Variants in DNAH7 observed in about 807,000 individuals in gnomAD.
DNAH7 encodes the protein dynein axonemal heavy chain 7.
Under a neutral mutation model 444.6 loss-of-function variants are expected in DNAH7, and 397 were observed. The observed-to-expected ratio is 0.89, with a 90% CI of 0.82 to 0.97. DNAH7 has a LOEUF of 0.97. DNAH7 is among the 50% of genes least tolerant of loss of function. The pLI, the probability that DNAH7 is intolerant of heterozygous loss-of-function variation, is 0.00. For synonymous variants in DNAH7, 1,636 were observed against 1,624.4 expected, an observed-to-expected ratio of 1.01 and a Z score of -0.17; for missense variants, 4,902 against 4,800.8, an observed-to-expected ratio of 1.02 and a Z score of -0.62.
chr2:195,907,208 A>T (rs536839348), intron 25 of DNAH7, among the ~76,000 whole-genome samples, 199 bp from the exon 26 acceptor site: 1 of 152,266 alleles, frequency 6.6e-6, no homozygotes, highest in South Asian at 2.1e-4. Flanking sequence ...ATCAATTGGA[A>T]AATTTTCCAA....
At chr2:195,940,982 G>A (rs1246196618) in intron 19 of DNAH7, among the ~76,000 whole-genome samples, 1 of 152,060 alleles carries the variant, frequency 6.6e-6, no homozygotes, top group African/African-American at 2.4e-5. Flanking sequence ...CAAAGATCTA[G>A]GATCAGAAAT....
intron 61 of DNAH7, among the ~76,000 whole-genome samples, chr2:195,762,899 C>T (rs1254326309): frequency 6.6e-6 from 1 of 152,088 alleles, no homozygotes; most frequent in Non-Finnish European, 1.5e-5. Context: ...ACTTACAGAA[C>T]GTCTCATCCA....
chr2:196,043,969 C>T (rs2125837753), intron 5 of DNAH7, among the ~76,000 whole-genome samples: 1 of 152,114 alleles, frequency 6.6e-6, no homozygotes, highest in East Asian at 1.9e-4. Flanking sequence ...ATGTAAACTA[C>T]TACGACTACT....
At position 195,858,658 on chromosome 2, in the gene DNAH7, A is replaced by G. The variant is rs1184581044; in HGVS notation, c.7883T>C (p.Ile2628Thr). 1.9e-6 allele frequency: 3 copies of G among 1,613,870 alleles called. No individual in the cohort carries two copies. The highest frequency in any genetic ancestry group is 2.7e-5 in the African/African-American group (2 of 74,866). ...VASKEVDEMM[I>T]MIEKESVEVA... ...TTCTACAGACTCTTTCTCAATCATT[A>G]TCATCATTTCATCAACCTCTTTGCT... Residue 2628 changes from isoleucine (I) to threonine (T), a missense_variant, in exon 43 of 65, where the codon ATA becomes ACA. By Grantham distance (89) the Ile-to-Thr change is moderately conservative. Transcript: ENST00000312428.
At chr2:195,893,559 C>T (rs1181331686) in intron 30 of DNAH7, 1 of 151,848 alleles carries the variant, frequency 6.6e-6, no homozygotes, top group Admixed American at 6.6e-5. Context: ...AACAATAAAA[C>T]AAGCTCAATA....
chr2:195,754,627 C>T, intron 62 of DNAH7, 113 bp from the exon 63 acceptor site: 2 of 995,050 alleles, frequency 2.0e-6, no homozygotes, highest in Non-Finnish European at 2.9e-6. Context: ...CCTCTCACCT[C>T]AGCCTCCCAA....
intron 43 of DNAH7, among the ~76,000 whole-genome samples, chr2:195,858,150 C>A: frequency 6.6e-6 from 1 of 151,966 alleles, no homozygotes. Context: ...AAAAAGGTAC[C>A]CCTTAGAATC....
intron 61 of DNAH7, among the ~76,000 whole-genome samples, chr2:195,764,421 T>A (rs1694479464): frequency 6.6e-6 from 1 of 152,056 alleles, no homozygotes; most frequent in Admixed American, 6.6e-5. Flanking sequence ...ATAAAGCACA[T>A]CCAAATTAGA....
In DNAH7 at chr2:195,810,625, CT is replaced by C. The variant is rs372195832; in HGVS notation, c.9762-755del. ...TATTCTAAGCTGTCAATCATCCTAGCTTTTTTTTTTTTTTCCCACTTTTCCT... is the reference window on the plus strand; with the variant it reads ...TATTCTAAGCTGTCAATCATCCTAGCTTTTTTTTTTTTTCCCACTTTTCCT... On this transcript the variant is annotated intron_variant, in intron 51 of 64. Coordinates refer to ENST00000312428, the MANE Select transcript of DNAH7 (RefSeq NM_018897.3). Among the ~76,000 whole-genome samples the C allele has an allele frequency of 8.8e-3, 1,235 of 140,238 alleles. 9 individuals are homozygous for C. The highest frequency in any genetic ancestry group is 0.021 in the African/African-American group (803 of 38,494). 92.0% of individuals were successfully genotyped at this position (140,238 alleles called of 152,430 possible). A position where few individuals can be genotyped will look rare whatever the true frequency, so the allele number is the denominator to read the frequency against.
chr2:196,057,041 G>A (rs556567529), intron 2 of DNAH7, among the ~76,000 whole-genome samples: 2 of 152,174 alleles, frequency 1.3e-5, no homozygotes, highest in South Asian at 2.1e-4. Context: ...CTAGAAGCCC[G>A]AAGGTCCGTA....
intron 5 of DNAH7, among the ~76,000 whole-genome samples, chr2:196,046,465 G>T (rs56300177): frequency 0.03 from 4,581 of 152,180 alleles, 227 homozygotes; most frequent in African/African-American, 0.1. Flanking sequence ...TGTAACCAGA[G>T]GTCTACCCTC....
Position 195,887,146 on chromosome 2 carries a change from C to T in DNAH7, c.5407-874G>A, listed in dbSNP as rs529728840. Among the ~76,000 whole-genome samples the T allele has an allele frequency of 4.7e-5, 7 of 147,888 alleles. No individual in the cohort carries two copies. In the South Asian group the frequency reaches 1.5e-3, roughly 31 times the overall value. On this transcript the variant is annotated intron_variant, in intron 33 of 64. Coordinates refer to ENST00000312428, the MANE Select transcript of DNAH7 (RefSeq NM_018897.3). The stretch of plus-strand genomic sequence containing the variant: ...TTCTTCAAGAAATAACAGAAGTGCA[C>T]AGCACATTTTAAAAAGCTTGCATTA...
At chr2:196,062,590 G>A (rs1425379329) in intron 1 of DNAH7, among the ~76,000 whole-genome samples, 1 of 152,098 alleles carries the variant, frequency 6.6e-6, no homozygotes, top group Non-Finnish European at 1.5e-5. Context: ...CCATCTTCCT[G>A]TAACTAAATC....
chr2:195,823,720 A>G lies in DNAH7; in HGVS notation c.9291+535T>C, dbSNP rs1055718708. ...CTAAAAACAGAATAAGGTGTAGGCC[A>G]TAAACCTAGGAGCTCAGCTGCAGAT... On this transcript the variant is annotated intron_variant, in intron 49 of 64. Coordinates refer to ENST00000312428, the MANE Select transcript of DNAH7 (RefSeq NM_018897.3). 5.3e-5 allele frequency among the ~76,000 whole-genome samples: 8 copies of G among 152,288 alleles called. No individual in the cohort carries two copies. In the East Asian group the frequency reaches 1.4e-3, roughly 26 times the overall value.
At chr2:195,873,432 G>GT (rs1700836153) in intron 39 of DNAH7, 136 bp downstream of exon 39, 1 of 515,486 alleles carries the variant, frequency 1.9e-6, no homozygotes, top group Non-Finnish European at 3.1e-6. Flanking sequence ...CAGGAACAGA[G>GT]GCAAACGATG....
At chr2:195,795,434 G>A (rs1344584353) in intron 56 of DNAH7, among the ~76,000 whole-genome samples, 2 of 152,218 alleles carry the variant, frequency 1.3e-5, no homozygotes, top group African/African-American at 2.4e-5. Context: ...CGTGAAGTAT[G>A]AGGAAATGTT....
intron 24 of DNAH7, among the ~76,000 whole-genome samples, chr2:195,918,860 G>A (rs1687847285): frequency 6.6e-6 from 1 of 152,108 alleles, no homozygotes; most frequent in Non-Finnish European, 1.5e-5. Context: ...ACTCTACAAC[G>A]CAGTAGACCC....
chr2:195,930,890 G>A (rs1054185958), intron 21 of DNAH7, among the ~76,000 whole-genome samples: 1 of 152,036 alleles, frequency 6.6e-6, no homozygotes, highest in South Asian at 2.1e-4. Context: ...GGATGCAGCT[G>A]GAGACCATCA....
chr2:195,828,240 G>A (rs1697878209), intron 48 of DNAH7, among the ~76,000 whole-genome samples: 1 of 152,048 alleles, frequency 6.6e-6, no homozygotes, highest in African/African-American at 2.4e-5. Flanking sequence ...ATAGTGTTAC[G>A]GCTTAAATTA....
Sources: allele counts gnomAD v4.1 joint callset (sites outside exome capture counted in the v4.1 genomes callset), GRCh38; gene constraint gnomAD v4.1.1; transcripts MANE v1.5; gene names NCBI Gene and HGNC (gene_info 2026-07-23, HGNC 2026-07-21).